Variants in PFKFB4 observed in about 807,000 individuals in gnomAD.
PFKFB4 encodes 6-phosphofructo-2-kinase/fructose-2,6-biphosphatase 4.
A neutral mutation model predicts 62.8 loss-of-function variants in PFKFB4; 42 were observed. The observed-to-expected ratio is 0.67, with a 90% CI of 0.52 to 0.86. The LOEUF (loss-of-function observed/expected upper bound fraction) is 0.86. Among genes scored for constraint, PFKFB4 ranks in the 40% least tolerant of loss-of-function variants. The pLI is 0.00. For missense variants in PFKFB4, 475 were observed against 627.2 expected (o/e 0.76, Z 2.59); for synonymous variants, 204 against 240.7 (o/e 0.85, Z 1.41).
At chr3:48,560,950 C>G (rs996533704), upstream of PFKFB4, 8 of 440,290 alleles carry the variant, frequency 1.8e-5, no homozygotes, top group Non-Finnish European at 2.7e-5. Flanking sequence ...ACCCCTAAAC[C>G]AGGAGAGACC....
chr3:48,543,518 G>T, intron 4 of PFKFB4, 62 bp downstream of exon 4: 1 of 1,455,254 alleles, frequency 6.9e-7, no homozygotes, highest in Non-Finnish European at 9.5e-7. Flanking sequence ...GACGAGCAAA[G>T]GCACAGATGT....
rs919245359 is a variant in PFKFB4, at chr3:48,536,466, G to A, written c.633-3C>T. On this transcript the variant is annotated splice_polypyrimidine_tract_variant and splice_region_variant and intron_variant, in intron 7 of 13. Transcript: ENST00000232375. Reference sequence around the variant, plus strand: ...TGATCTTGATATAGGACAGGTCCCTGTCCAGAGAGAAAGTAGAAAGAGGCC... The same window carrying A: ...TGATCTTGATATAGGACAGGTCCCTATCCAGAGAGAAAGTAGAAAGAGGCC... The A allele has an allele frequency of 6.3e-6, 10 of 1,599,326 alleles. No homozygotes were observed. Among genetic ancestry groups the A allele is most frequent in the Non-Finnish European group, 8.6e-6 (10 of 1,167,498 alleles).
chr3:48,553,974 C>G (rs1182357578), intron 1 of PFKFB4, among the ~76,000 whole-genome samples: 1 of 152,168 alleles, frequency 6.6e-6, no homozygotes, highest in South Asian at 2.1e-4. Context: ...TCCTCCAGGT[C>G]TGAGCTCGGA....
upstream of PFKFB4, chr3:48,562,012 A>T (rs575583337): frequency 2.6e-5 from 4 of 152,234 alleles, no homozygotes; most frequent in African/African-American, 7.2e-5. The surrounding 1 kb of genome is among the most constrained non-coding windows in gnomAD (Gnocchi z 4.3). Context: ...CCTGGCCAGG[A>T]GTTGTTCTTG....
In PFKFB4 at chr3:48,550,163, T is replaced by C; in HGVS notation, c.169A>G (p.Lys57Glu). The C allele has an allele frequency of 6.2e-7, 1 of 1,614,048 alleles. No individual in the cohort carries two copies. The highest frequency in any genetic ancestry group is 1.3e-5 in the African/African-American group (1 of 75,036). The change falls in exon 2 of 14, where the codon AAG (lysine) becomes GAG (glutamate). Residue 57 changes from lysine to glutamate, a missense_variant. Physicochemically the swap from Lys to Glu is moderately conservative, Grantham distance 56 (BLOSUM62 1). Transcript: ENST00000232375. ...CAGTTCAGGTATCGAGTCAGCTTCT[T>C]GGAGATGTAGGTCTTGCCCCTGGCG... Reference protein sequence around the residue: ...LPARGKTYISKKLTRYLNWIG... With the variant: ...LPARGKTYISEKLTRYLNWIG...
chr3:48,550,252 C>A lies in PFKFB4; in HGVS notation c.98-18G>T. The A allele has an allele frequency of 6.5e-7, 1 of 1,549,056 alleles. No individual in the cohort carries two copies. The highest frequency in any genetic ancestry group is 8.9e-7 in the Non-Finnish European group (1 of 1,120,844). ...CATGCACACTAAAAGGCAAGCAGCACAGTGTCAGATGAGGGCTGGGACCCT... is the reference window on the plus strand; with the variant it reads ...CATGCACACTAAAAGGCAAGCAGCAAAGTGTCAGATGAGGGCTGGGACCCT... On this transcript the variant is annotated intron_variant, in intron 1 of 13. Transcript: ENST00000232375.
At chr3:48,554,152 C>G (rs917832911) in intron 1 of PFKFB4, among the ~76,000 whole-genome samples, 17 of 152,170 alleles carry the variant, frequency 1.1e-4, no homozygotes, top group African/African-American at 3.6e-4. Context: ...AAACCCAGTA[C>G]AAAGCACAGA....
In PFKFB4 at chr3:48,521,599, C is replaced by T. The variant is rs1340026472; in HGVS notation, c.1350+387G>A. Among the ~76,000 whole-genome samples, 1 of 152,200 alleles carries T rather than the reference C, an allele frequency of 6.6e-6. No homozygotes were observed. The highest frequency in any genetic ancestry group is 1.5e-5 in the Non-Finnish European group (1 of 68,016). ...AGTGGGAAGAGTGCCCACCTGCCCT[C>T]AGAAGGCCAGAAGCCTCATTCTTAG... On this transcript the variant is annotated intron_variant, in intron 13 of 13. Coordinates refer to ENST00000232375, the MANE Select transcript of PFKFB4 (RefSeq NM_004567.4). This position sits in a 1 kb window ranked among gnomAD's most constrained non-coding sequence, Gnocchi z 5.3.
At chr3:48,523,480 T>G in intron 12 of PFKFB4, 57 bp downstream of exon 12, 2 of 1,483,022 alleles carry the variant, frequency 1.3e-6, no homozygotes, top group Non-Finnish European at 1.9e-6. Flanking sequence ...ATCATGGAAC[T>G]GTGCAGAGAT....
At chr3:48,538,971 C>A (rs2042717017) in intron 6 of PFKFB4, among the ~76,000 whole-genome samples, 1 of 152,098 alleles carries the variant, frequency 6.6e-6, no homozygotes, top group Non-Finnish European at 1.5e-5. Context: ...CTTTCTTTCT[C>A]TGAAATATAA....
rs191833642 is a variant in PFKFB4, at chr3:48,541,177, C to G, written c.379-1406G>C. ...TCAGCTCGCTGCAAGCTCTGTCTCC[C>G]AGGTTCACGCCATTCTCCTGCCTCA... On this transcript the variant is annotated intron_variant, in intron 4 of 13. Coordinates refer to ENST00000232375, the MANE Select transcript of PFKFB4 (RefSeq NM_004567.4). Among the ~76,000 whole-genome samples, 677 of 151,540 alleles carry G rather than the reference C, an allele frequency of 4.5e-3. 5 individuals carry two copies. The highest frequency in any genetic ancestry group is 0.016 in the African/African-American group (652 of 41,310).
At chr3:48,549,264 C>T (rs2006871) in intron 3 of PFKFB4, among the ~76,000 whole-genome samples, 6,702 of 152,242 alleles carry the variant, frequency 0.044, 182 homozygotes, top group East Asian at 0.11. Context: ...GTGAACGACT[C>T]ACCCAGCAGC....
At chr3:48,553,999 A>G (rs1392139600) in intron 1 of PFKFB4, among the ~76,000 whole-genome samples, 1 of 152,102 alleles carries the variant, frequency 6.6e-6, no homozygotes, top group African/African-American at 2.4e-5. Flanking sequence ...AATGATGGGA[A>G]AGGTAAAAGC....
At position 48,519,722 on chromosome 3, in the gene PFKFB4, T is replaced by C; in HGVS notation, c.*25A>G. ...CCCTCTGCAGAGAGCAGTGCCTGCC[T>C]AGTGGTCACAGTGGATGAACATGGT... On this transcript the variant is annotated 3_prime_UTR_variant, in exon 14 of 14. Transcript: ENST00000232375. 6.3e-7 allele frequency: 1 copy of C among 1,590,166 alleles called. No homozygotes were observed. The highest frequency in any genetic ancestry group is 1.1e-5 in the South Asian group (1 of 90,540).
At chr3:48,529,886 G>A (rs753608600) in intron 9 of PFKFB4, among the ~76,000 whole-genome samples, 7 of 151,976 alleles carry the variant, frequency 4.6e-5, no homozygotes, top group Non-Finnish European at 7.4e-5. Flanking sequence ...TCCAGGAGGC[G>A]GAGGTTGCAG....
chr3:48,550,300 G>T, intron 1 of PFKFB4, 66 bp from the exon 2 acceptor site: 1 of 1,027,846 alleles, frequency 9.7e-7, no homozygotes, highest in Non-Finnish European at 1.5e-6. Flanking sequence ...CTCCCTCTCA[G>T]CCTGTGGTCT....
In PFKFB4 at chr3:48,535,414, C is replaced by G. The variant is rs1449211653; in HGVS notation, c.987+98G>C. ...TTCCTGTATCCTTTCTCTCTCCTCT[C>G]CTTTGCCCAAGGGGAGCAATGGTCA... On this transcript the variant is annotated intron_variant, in intron 9 of 13. Coordinates refer to ENST00000232375, the MANE Select transcript of PFKFB4 (RefSeq NM_004567.4). The G allele has an allele frequency of 2.7e-6, 3 of 1,101,380 alleles. No individual in the cohort carries two copies. In the African/African-American group the frequency reaches 4.7e-5, roughly 17 times the overall value. The allele number at this position is 1,101,380 out of a possible 1,614,324, so 68.2% of individuals were successfully genotyped here. A position where few individuals can be genotyped will look rare whatever the true frequency, so the allele number is the denominator to read the frequency against.
intron 10 of PFKFB4, among the ~76,000 whole-genome samples, chr3:48,524,627 G>A (rs1022068020): frequency 6.6e-6 from 1 of 152,152 alleles, no homozygotes; most frequent in Non-Finnish European, 1.5e-5. Context: ...ATCTGGGTTG[G>A]TTCTAAATCT....
At chr3:48,559,578 G>T (rs570723725), upstream of PFKFB4, 45 of 457,056 alleles carry the variant, frequency 9.8e-5, no homozygotes, top group South Asian at 7.0e-4. Context: ...AGCATCAGCG[G>T]ATGCCCGGTA....
Sources: allele counts gnomAD v4.1 joint callset (sites outside exome capture counted in the v4.1 genomes callset), GRCh38; gene constraint gnomAD v4.1.1; non-coding constraint Gnocchi (gnomAD v3.1); transcripts MANE v1.5; gene names NCBI Gene and HGNC (gene_info 2026-07-23, HGNC 2026-07-21).